Variants in RSPH9 observed in about 807,000 individuals in gnomAD.
RSPH9 encodes the protein radial spoke head protein 9 homolog.
A neutral mutation model predicts 27.0 loss-of-function variants in RSPH9; 27 were observed. That is an observed-to-expected ratio of 1.00 (90% CI 0.74 to 1.38). The LOEUF is 1.38. RSPH9 is among the 40% of genes most tolerant of loss of function. The probability of loss-of-function intolerance (pLI) is 0.00; values close to 1 mark genes in which losing one functional copy is unlikely to be tolerated. For missense variants in RSPH9, 347 were observed against 357.4 expected, an observed-to-expected ratio of 0.97 and a Z score of 0.24; for synonymous variants, 145 against 147.7, an observed-to-expected ratio of 0.98 and a Z score of 0.13.
At chr6:43,660,276 A>G (rs1160161149) in intron 4 of RSPH9, among the ~76,000 whole-genome samples, 1 of 151,152 alleles carries the variant, frequency 6.6e-6, no homozygotes, top group Non-Finnish European at 1.5e-5. Context: ...CCTGACCTCA[A>G]GTGATCTGCC....
At chr6:43,646,369 C>T (rs921451224) in intron 1 of RSPH9, among the ~76,000 whole-genome samples, 1 of 150,904 alleles carries the variant, frequency 6.6e-6, no homozygotes, top group African/African-American at 2.4e-5. Context: ...CTCCTGACCT[C>T]GTGATCCGTC....
At position 43,670,327 on chromosome 6, in the gene RSPH9, C is replaced by T. The variant is rs541446350; in HGVS notation, c.671-462C>T. Among the ~76,000 whole-genome samples, 16 of 152,316 alleles carry T rather than the reference C, an allele frequency of 1.1e-4. No homozygotes were observed. In the South Asian group the frequency reaches 2.5e-3, roughly 24 times the overall value. On this transcript the variant is annotated intron_variant, in intron 4 of 4. Coordinates refer to ENST00000372163, the MANE Select transcript of RSPH9 (RefSeq NM_152732.5). ...CAGTGAGATGGCTAAAAGGGCTGGG[C>T]GTGGTGGCTCACATCTGTAATCCCA...
In RSPH9 at chr6:43,671,862, T is replaced by C. The variant is rs1426362578; in HGVS notation, c.*913T>C. ...CACCCTGTTCCAGCGGGGGCCTTTT[T>C]TGTAGATGGGCTTGACGGAGCCAGG... On this transcript the variant is annotated 3_prime_UTR_variant, in exon 5 of 5. Coordinates refer to ENST00000372163, the MANE Select transcript of RSPH9 (RefSeq NM_152732.5). The C allele has an allele frequency of 1.2e-6, 2 of 1,613,972 alleles. No individual in the cohort carries two copies. Among genetic ancestry groups the C allele is most frequent in the African/African-American group, 1.3e-5 (1 of 75,046 alleles).
chr6:43,671,377 C>CCCCA lies in RSPH9; in HGVS notation c.*428_*429insCCCA, dbSNP rs1773687368. On this transcript the variant is annotated 3_prime_UTR_variant, in exon 5 of 5. Coordinates refer to ENST00000372163, the MANE Select transcript of RSPH9 (RefSeq NM_152732.5). ...TGGCCCCATCACAAGAGATCAGTGACTCAATGCTCAGCACCCAGCTGGCAA... is the reference window on the plus strand; with the variant it reads ...TGGCCCCATCACAAGAGATCAGTGACCCCATCAATGCTCAGCACCCAGCTGGCAA... 1 of 398,152 alleles carries CCCCA rather than the reference C, an allele frequency of 2.5e-6. No individual in the cohort carries two copies. The highest frequency in any genetic ancestry group is 4.6e-6 in the Non-Finnish European group (1 of 215,806). The allele number at this position is 398,152 out of a possible 1,614,324, so 24.7% of individuals were successfully genotyped here. A position where few individuals can be genotyped will look rare whatever the true frequency, so the allele number is the denominator to read the frequency against.
chr6:43,658,426 T>G (rs758172210), intron 4 of RSPH9, among the ~76,000 whole-genome samples: 4 of 152,134 alleles, frequency 2.6e-5, no homozygotes, highest in Non-Finnish European at 5.9e-5. Flanking sequence ...AAAAGTTGTG[T>G]TTGTACTATA....
chr6:43,655,799 G>A, intron 3 of RSPH9, 108 bp downstream of exon 3: 11 of 1,346,990 alleles, frequency 8.2e-6, no homozygotes, highest in Non-Finnish European at 1.2e-5. Flanking sequence ...TATCAGAGAA[G>A]GAGTAGCTGT....
At chr6:43,665,349 G>A (rs1312696799) in intron 4 of RSPH9, among the ~76,000 whole-genome samples, 1 of 152,268 alleles carries the variant, frequency 6.6e-6, no homozygotes, top group African/African-American at 2.4e-5. Context: ...AAAGGCTGCT[G>A]GGGTTGGGGC....
rs746265610 is a variant in RSPH9 at position 43,670,823 on chromosome 6, C to T, written c.705C>T (p.Ala235=). Residue 235 remains alanine, a synonymous_variant, in exon 5 of 5, where the codon GCC becomes GCT. Transcript: ENST00000372163. ...SWSIQMERGN[A]LVVLRSLLWP... is the part of the protein sequence containing the mutation. The stretch of plus-strand genomic sequence containing the variant: ...GCATCCAGATGGAGAGGGGCAATGC[C>T]CTGGTGGTGCTGCGCAGCCTGCTCT... The T allele has an allele frequency of 1.8e-5, 29 of 1,614,042 alleles. No homozygotes were observed. Among genetic ancestry groups the T allele is most frequent in the Non-Finnish European group, 2.5e-5 (29 of 1,180,036 alleles).
intron 1 of RSPH9, among the ~76,000 whole-genome samples, chr6:43,645,591 T>TG (rs557185167): frequency 1.9e-4 from 29 of 151,904 alleles, no homozygotes; most frequent in African/African-American, 6.8e-4. Flanking sequence ...ACGGGCGATG[T>TG]CCCCCGGAGG....
Position 43,670,779 on chromosome 6 carries a change from C to T in RSPH9, c.671-10C>T. The T allele has an allele frequency of 6.2e-7, 1 of 1,613,786 alleles. No homozygotes were observed. The highest frequency in any genetic ancestry group is 8.5e-7 in the Non-Finnish European group (1 of 1,179,752). The stretch of plus-strand genomic sequence containing the variant: ...GCACCAGGCCTCACCTCCTGCCTGT[C>T]TTATCTCAGGGTCCTGGAGCATCCA... On this transcript the variant is annotated splice_polypyrimidine_tract_variant and intron_variant, in intron 4 of 4. Coordinates refer to ENST00000372163, the MANE Select transcript of RSPH9 (RefSeq NM_152732.5).
intron 4 of RSPH9, among the ~76,000 whole-genome samples, chr6:43,663,875 C>T (rs149234548): frequency 1.3e-5 from 2 of 151,748 alleles, no homozygotes; most frequent in East Asian, 3.9e-4. Context: ...ACTAAAAATA[C>T]AAAAATTAGC....
Position 43,671,882 on chromosome 6 carries a change from G to A in RSPH9, c.*933G>A, listed in dbSNP as rs1466367546. On this transcript the variant is annotated 3_prime_UTR_variant, in exon 5 of 5. Coordinates refer to ENST00000372163, the MANE Select transcript of RSPH9 (RefSeq NM_152732.5). ...CTTTTTTGTAGATGGGCTTGACGGA[G>A]CCAGGAGCCCAGCGCGTCAGGTACC... 1.2e-6 allele frequency: 2 copies of A among 1,612,944 alleles called. No homozygotes were observed. The highest frequency in any genetic ancestry group is 2.2e-5 in the East Asian group (1 of 44,856).
At position 43,655,508 on chromosome 6, in the gene RSPH9, C is replaced by T. The variant is rs998758465; in HGVS notation, c.394-54C>T. ...ATGGCCGTGCAGAGGGACCTTGCGC[C>T]GGGGTGCCTGGGCACAGTGCCCTGG... On this transcript the variant is annotated intron_variant, in intron 2 of 4. Coordinates refer to ENST00000372163, the MANE Select transcript of RSPH9 (RefSeq NM_152732.5). 31 of 1,611,850 alleles carry T rather than the reference C, an allele frequency of 1.9e-5. No individual in the cohort carries two copies. In the African/African-American group the frequency reaches 2.1e-4, roughly 11 times the overall value.
chr6:43,653,035 G>C (rs868496196), intron 2 of RSPH9, among the ~76,000 whole-genome samples: 46 of 151,604 alleles, frequency 3.0e-4, no homozygotes, highest in African/African-American at 1.1e-3. Context: ...GCCCAGGCTG[G>C]TCTTAACTCC....
At chr6:43,657,847 A>G (rs976918392) in intron 4 of RSPH9, among the ~76,000 whole-genome samples, 1 of 152,222 alleles carries the variant, frequency 6.6e-6, no homozygotes, top group African/African-American at 2.4e-5. Context: ...GACTACTCCT[A>G]TACCACCCTG....
rs573518100 is a variant in RSPH9 at position 43,650,240 on chromosome 6, C to T, written c.228-135C>T. ...GCACTTGGGGCTTCTAACAGTCTCACGACAGCATTGGGAGGAAAGGTGGCC... is the reference window on the plus strand; with the variant it reads ...GCACTTGGGGCTTCTAACAGTCTCATGACAGCATTGGGAGGAAAGGTGGCC... On this transcript the variant is annotated intron_variant, in intron 1 of 4. Transcript: ENST00000372163. The T allele has an allele frequency of 3.8e-5, 40 of 1,039,284 alleles. No individual in the cohort carries two copies. The African/African-American group carries it at 4.9e-4, about 13-fold the overall frequency. 64.4% of individuals were successfully genotyped at this position (1,039,284 alleles called of 1,614,324 possible).
intron 2 of RSPH9, among the ~76,000 whole-genome samples, chr6:43,651,751 GTT>G (rs1223016902): frequency 6.6e-6 from 1 of 152,070 alleles, no homozygotes; most frequent in African/African-American, 2.4e-5. Context: ...GTTTTACCAT[GTT>G]GGCCAGGCTG....
Position 43,671,851 on chromosome 6 carries a change from G to C in RSPH9, c.*902G>C. On this transcript the variant is annotated 3_prime_UTR_variant, in exon 5 of 5. Coordinates refer to ENST00000372163, the MANE Select transcript of RSPH9 (RefSeq NM_152732.5). Reference sequence around the variant, plus strand: ...ACGGGCATGCGCACCCTGTTCCAGCGGGGGCCTTTTTTGTAGATGGGCTTG... The same window carrying C: ...ACGGGCATGCGCACCCTGTTCCAGCCGGGGCCTTTTTTGTAGATGGGCTTG... 2 of 1,613,986 alleles carry C rather than the reference G, an allele frequency of 1.2e-6. No homozygotes were observed. Among genetic ancestry groups the C allele is most frequent in the Non-Finnish European group, 1.7e-6 (2 of 1,179,950 alleles).
intron 2 of RSPH9, among the ~76,000 whole-genome samples, chr6:43,654,801 C>T (rs948213424): frequency 2.0e-5 from 3 of 151,666 alleles, no homozygotes; most frequent in South Asian, 2.1e-4. Flanking sequence ...CCAGCCTGGG[C>T]GACAGAGCAG....
Sources: gnomAD v4.1 joint callset for allele counts (sites outside exome capture counted in the v4.1 genomes callset) on GRCh38, gnomAD v4.1.1 for gene constraint, MANE v1.5 for transcripts, NCBI Gene and HGNC (gene_info 2026-07-23, HGNC 2026-07-21) for gene names.